SYCP2L: variants seen among roughly 807,000 people sequenced by gnomAD.
SYCP2L encodes the protein synaptonemal complex protein 2 like.
A neutral mutation model predicts 125.8 loss-of-function variants in SYCP2L; 98 were observed. The ratio of observed to expected loss-of-function variants is 0.78; its 90% CI spans 0.66 to 0.92. The LOEUF is 0.92. Ranked by LOEUF, SYCP2L falls within the 40% of genes least tolerant of loss-of-function variation. The pLI is 0.00. For missense variants in SYCP2L, 842 were observed against 936.4 expected, an observed-to-expected ratio of 0.90 and a Z score of 1.32; for synonymous variants, 317 against 325.4, an observed-to-expected ratio of 0.97 and a Z score of 0.28.
chr6:10,902,586 G>C (rs764419469), intron 6 of SYCP2L, 91 bp from the exon 7 acceptor site: 37 of 1,060,708 alleles, frequency 3.5e-5, no homozygotes, highest in Non-Finnish European at 4.7e-5. Flanking sequence ...AAGCCAGAAC[G>C]ACATCCTTAG....
chr6:10,895,633 G>T lies in SYCP2L; in HGVS notation c.336+1429G>T, dbSNP rs527808053. 7.2e-5 allele frequency among the ~76,000 whole-genome samples: 11 copies of T among 151,802 alleles called. No homozygotes were observed. In the East Asian group the frequency reaches 7.8e-4, roughly 11 times the overall value. On this transcript the variant is annotated intron_variant, in intron 4 of 29. Transcript: ENST00000283141. ...AAAAAGGAGAAAGGAGAACAAAAGG[G>T]GGGGGTACTATGAATTAGAGAATAA...
intron 14 of SYCP2L, among the ~76,000 whole-genome samples, chr6:10,916,397 A>G (rs1780696297): frequency 6.6e-6 from 1 of 151,956 alleles, no homozygotes; most frequent in Admixed American, 6.6e-5. Context: ...TAGTTCCTTG[A>G]GGTGTGACCT....
chr6:10,907,390 C>T (rs2113311596), intron 9 of SYCP2L, 152 bp from the exon 10 acceptor site: 1 of 557,128 alleles, frequency 1.8e-6, no homozygotes, highest in Non-Finnish European at 3.0e-6. Flanking sequence ...ATTCTAATTA[C>T]TCCAGGATGC....
intron 9 of SYCP2L, 62 bp from the exon 10 acceptor site, chr6:10,907,480 C>T: frequency 6.0e-6 from 9 of 1,494,824 alleles, no homozygotes; most frequent in Non-Finnish European, 8.1e-6. Flanking sequence ...AAATCTGGAA[C>T]TCATTTTTTC....
intron 29 of SYCP2L, among the ~76,000 whole-genome samples, chr6:10,964,486 A>T (rs1001313403): frequency 3.9e-5 from 6 of 152,222 alleles, no homozygotes; most frequent in Non-Finnish European, 7.3e-5. Context: ...CTGGTTGAGC[A>T]TCCTTAATCT....
At chr6:10,913,872 C>A (rs1192312829) in intron 14 of SYCP2L, among the ~76,000 whole-genome samples, 2 of 151,472 alleles carry the variant, frequency 1.3e-5, no homozygotes, top group South Asian at 4.2e-4. Context: ...GCTCTTGTTG[C>A]CCAGGCTGGA....
At chr6:10,959,862 T>A (rs1581844921) in intron 26 of SYCP2L, among the ~76,000 whole-genome samples, 1 of 125,690 alleles carries the variant, frequency 8.0e-6, no homozygotes. Flanking sequence ...AGAGCAAAAC[T>A]CTGTCTCAAA....
Position 10,935,089 on chromosome 6 carries a change from T to C in SYCP2L, c.1715T>C (p.Ile572Thr). Reference protein sequence around the residue: ...AKLLSPSEKEIPEQNNTTSPK... With the variant: ...AKLLSPSEKETPEQNNTTSPK... ...CTTCTATCACCATCAGAGAAAGAAATACCCGAGCAAAATAACACCACATCT... is the reference window on the plus strand; with the variant it reads ...CTTCTATCACCATCAGAGAAAGAAACACCCGAGCAAAATAACACCACATCT... The change falls in exon 21 of 30, where the codon ATA becomes ACA. Residue 572 changes from isoleucine to threonine, a missense_variant. By Grantham distance (89) the Ile-to-Thr change is moderately conservative. Coordinates refer to ENST00000283141, the MANE Select transcript of SYCP2L (RefSeq NM_001040274.3). The C allele has an allele frequency of 6.2e-7, 1 of 1,611,908 alleles. No individual in the cohort carries two copies. The highest frequency in any genetic ancestry group is 8.5e-7 in the Non-Finnish European group (1 of 1,179,220).
intron 16 of SYCP2L, among the ~76,000 whole-genome samples, chr6:10,926,679 G>A (rs986499092): frequency 3.3e-5 from 5 of 152,146 alleles, no homozygotes; most frequent in African/African-American, 1.2e-4. Context: ...ATGGGGGTAA[G>A]GAAGGTCTTG....
chr6:10,901,715 T>C (rs1435027436), intron 6 of SYCP2L, among the ~76,000 whole-genome samples: 2 of 152,226 alleles, frequency 1.3e-5, no homozygotes, highest in Non-Finnish European at 2.9e-5. Context: ...AAATCATCTC[T>C]AGTCAACAAC....
chr6:10,937,739 C>T (rs1781126662), intron 21 of SYCP2L, among the ~76,000 whole-genome samples: 1 of 152,118 alleles, frequency 6.6e-6, no homozygotes, highest in African/African-American at 2.4e-5. Context: ...GACACTACAA[C>T]TGATACCACA....
intron 1 of SYCP2L, 81 bp from the exon 2 acceptor site, chr6:10,891,432 T>C: frequency 1.2e-6 from 1 of 856,564 alleles, no homozygotes; most frequent in South Asian, 2.0e-5. Context: ...TTTTTTTTTT[T>C]TTTTTTGCTT....
At chr6:10,972,096 A>T (rs1053669839) in intron 29 of SYCP2L, among the ~76,000 whole-genome samples, 4 of 152,242 alleles carry the variant, frequency 2.6e-5, no homozygotes, top group African/African-American at 9.6e-5. Flanking sequence ...ACTGCAAAAT[A>T]GTTTATAAAC....
At chr6:10,926,605 GTC>G (rs1167758608) in intron 16 of SYCP2L, among the ~76,000 whole-genome samples, 173 bp downstream of exon 16, 4 of 152,010 alleles carry the variant, frequency 2.6e-5, no homozygotes, top group Non-Finnish European at 5.9e-5. Flanking sequence ...ACCTGTTAAG[GTC>G]TCTCTTGTGG....
intron 23 of SYCP2L, among the ~76,000 whole-genome samples, chr6:10,944,872 A>G (rs144486346): frequency 0.027 from 4,135 of 151,870 alleles, 152 homozygotes; most frequent in East Asian, 0.2. Context: ...GTGCCACCAT[A>G]CCCAGCTAAT....
chr6:10,935,858 G>C (rs113962355), intron 21 of SYCP2L, among the ~76,000 whole-genome samples: 2,901 of 152,236 alleles, frequency 0.019, 113 homozygotes, highest in African/African-American at 0.066. Flanking sequence ...ATTGGCCATG[G>C]ATAAGATGTA....
intron 2 of SYCP2L, 39 bp from the exon 3 acceptor site, chr6:10,893,828 C>A: frequency 6.3e-7 from 1 of 1,593,540 alleles, no homozygotes; most frequent in Non-Finnish European, 8.5e-7. Flanking sequence ...AATAAATGTT[C>A]TTGGGGAAAA....
chr6:10,938,844 A>T (rs1334518554), intron 21 of SYCP2L, among the ~76,000 whole-genome samples: 3 of 152,154 alleles, frequency 2.0e-5, no homozygotes, highest in African/African-American at 7.2e-5. Context: ...ATCTCAGCCA[A>T]GCATGGTGGC....
chr6:10,963,653 T>C (rs1781628251), intron 28 of SYCP2L, 129 bp from the exon 29 acceptor site: 3 of 816,936 alleles, frequency 3.7e-6, no homozygotes, highest in African/African-American at 1.7e-5. Context: ...TCCTGGGGTG[T>C]TGGTGTCTAT....
Sources: gnomAD v4.1 joint callset for allele counts (sites outside exome capture counted in the v4.1 genomes callset) on GRCh38, gnomAD v4.1.1 for gene constraint, MANE v1.5 for transcripts, NCBI Gene and HGNC (gene_info 2026-07-23, HGNC 2026-07-21) for gene names.